Variants in ATXN2 observed in about 807,000 individuals in gnomAD.
The protein encoded by ATXN2 is ataxin-2.
Under a neutral mutation model 138.6 loss-of-function variants are expected in ATXN2, and 37 were observed. The observed-to-expected ratio is 0.27, with a 90% confidence interval of 0.21 to 0.35. The LOEUF (loss-of-function observed/expected upper bound fraction) is 0.35. Ranked by LOEUF, ATXN2 falls within the 10% of genes least tolerant of loss-of-function variation. ATXN2 has a pLI of 1.00. For missense variants in ATXN2, 1,216 were observed against 1,480.3 expected (o/e 0.82, Z 2.93); for synonymous variants, 549 against 543.7 (o/e 1.01, Z -0.13).
chr12:111,574,340 G>C (rs1317584618), intron 1 of ATXN2, among the ~76,000 whole-genome samples: 1 of 150,204 alleles, frequency 6.7e-6, no homozygotes. Flanking sequence ...AAAAGGTATG[G>C]AGACTTCTTA....
rs1371815160 is a variant in ATXN2, at chr12:111,599,104, G to A, written c.-70C>T. 2.5e-5 allele frequency: 32 copies of A among 1,295,854 alleles called. No homozygotes were observed. The highest frequency in any genetic ancestry group is 3.0e-5 in the Non-Finnish European group (31 of 1,023,126). 80.3% of individuals were successfully genotyped at this position (1,295,854 alleles called of 1,614,324 possible). A position where few individuals can be genotyped will look rare whatever the true frequency, so the allele number is the denominator to read the frequency against. The stretch of plus-strand genomic sequence containing the variant: ...CGGGAGCCGGGCGCGCCAAGGAGAC[G>A]CCGGAACGCGGCGGGGACGCGCGGG... On this transcript the variant is annotated 5_prime_UTR_variant, in exon 1 of 25. Transcript: ENST00000673436.
chr12:111,470,004 C>T, intron 20 of ATXN2, 104 bp downstream of exon 20: 1 of 1,311,524 alleles, frequency 7.6e-7, no homozygotes, highest in Non-Finnish European at 1.0e-6. Context: ...TCTTGACCCT[C>T]AATGTCATAA....
At chr12:111,574,308 CAAAAAAAAAAAAA>C (rs997437123) in intron 1 of ATXN2, among the ~76,000 whole-genome samples, 3 of 32,594 alleles carry the variant, frequency 9.2e-5, no homozygotes, top group African/African-American at 2.9e-4. Flanking sequence ...ACTCTGTCTC[CAAAAAAAAAAAAA>C]AAAAAAAAAA....
intron 18 of ATXN2, among the ~76,000 whole-genome samples, chr12:111,474,610 A>C (rs1297667121): frequency 6.9e-6 from 1 of 145,494 alleles, no homozygotes; most frequent in Non-Finnish European, 1.5e-5. Context: ...CATCTCAAAA[A>C]CAAAAAACAA....
At chr12:111,599,590 T>A, upstream of ATXN2, 6 of 1,102,928 alleles carry the variant, frequency 5.4e-6, no homozygotes, top group Non-Finnish European at 6.6e-6. Flanking sequence ...GTCGGAGGGG[T>A]CAGACGGAAG....
chr12:111,512,384 A>T (rs916931593), intron 11 of ATXN2: 2 of 151,764 alleles, frequency 1.3e-5, no homozygotes, highest in Non-Finnish European at 2.9e-5. Context: ...AGCACTAAGG[A>T]CTGATTGGCA....
chr12:111,490,425 G>C (rs562190639), intron 14 of ATXN2, among the ~76,000 whole-genome samples: 2 of 152,044 alleles, frequency 1.3e-5, no homozygotes, highest in Non-Finnish European at 2.9e-5. Context: ...TGGACTAAGC[G>C]CTGGGCCTAG....
intron 1 of ATXN2, among the ~76,000 whole-genome samples, chr12:111,569,726 C>T (rs576894335): frequency 6.6e-6 from 1 of 152,174 alleles, no homozygotes; most frequent in South Asian, 2.1e-4. Context: ...AAAACACCAC[C>T]ACCACCACCA....
chr12:111,571,695 C>T (rs1452576334), intron 1 of ATXN2, among the ~76,000 whole-genome samples: 3 of 152,086 alleles, frequency 2.0e-5, no homozygotes, highest in African/African-American at 2.4e-5. Flanking sequence ...TTTCACATGG[C>T]TTAAAGCTCA....
At position 111,598,159 on chromosome 12, in the gene ATXN2, C is replaced by G. The variant is rs1171180270; in HGVS notation, c.251+625G>C. 2 of 1,098,498 alleles carry G rather than the reference C, an allele frequency of 1.8e-6. No individual in the cohort carries two copies. The highest frequency in any genetic ancestry group is 2.2e-6 in the Non-Finnish European group (2 of 892,896). 68.0% of individuals were successfully genotyped at this position (1,098,498 alleles called of 1,614,324 possible). On this transcript the variant is annotated intron_variant, in intron 1 of 24. Transcript: ENST00000673436. The surrounding 1 kb of genome is among the most constrained non-coding windows in gnomAD (Gnocchi z 4.5). ...CCTCGGACACGAACGCAGAGGGGTG[C>G]GGGGGCCAAGGCCCACTTGTCTCCA...
At chr12:111,523,320 C>T (rs1736757261) in intron 6 of ATXN2, among the ~76,000 whole-genome samples, 1 of 152,128 alleles carries the variant, frequency 6.6e-6, no homozygotes, top group African/African-American at 2.4e-5. Context: ...CATATTGGAA[C>T]ACCATTCTTT....
chr12:111,559,369 G>A (rs1485536020), intron 1 of ATXN2, among the ~76,000 whole-genome samples: 1 of 151,704 alleles, frequency 6.6e-6, no homozygotes, highest in African/African-American at 2.4e-5. Context: ...AAAGTGCTGG[G>A]ATTACAGGCG....
intron 1 of ATXN2, among the ~76,000 whole-genome samples, chr12:111,560,402 T>C (rs80091843): frequency 0.017 from 2,518 of 152,258 alleles, 40 homozygotes; most frequent in Admixed American, 0.03. Flanking sequence ...TAAATTTTTA[T>C]ATCCAACGGG....
chr12:111,487,278 G>T (rs560371411), intron 15 of ATXN2, among the ~76,000 whole-genome samples: 1 of 151,760 alleles, frequency 6.6e-6, no homozygotes, highest in East Asian at 1.9e-4. Flanking sequence ...GTAAAGATGG[G>T]GTTTCACCAT....
chr12:111,490,522 A>G (rs1356392527), intron 14 of ATXN2, among the ~76,000 whole-genome samples: 1 of 152,082 alleles, frequency 6.6e-6, no homozygotes, highest in Admixed American at 6.6e-5. Flanking sequence ...ACCCCTAAGT[A>G]AAAAAAGGAG....
chr12:111,482,627 C>CA (rs1275478329), intron 18 of ATXN2, among the ~76,000 whole-genome samples: 2 of 151,954 alleles, frequency 1.3e-5, no homozygotes, highest in Admixed American at 6.6e-5. Flanking sequence ...AAAAAGTTCC[C>CA]ATTGCATTGT....
chr12:111,560,220 TTAAAAATAAATACAA>T (rs1415989203), intron 1 of ATXN2, among the ~76,000 whole-genome samples: 1 of 152,092 alleles, frequency 6.6e-6, no homozygotes, highest in African/African-American at 2.4e-5. Flanking sequence ...TTAAAAACAC[TTAAAAATAAATACAA>T]TAAAAATAAG....
intron 18 of ATXN2, among the ~76,000 whole-genome samples, chr12:111,482,483 G>A (rs1053471271): frequency 1.1e-4 from 17 of 151,972 alleles, no homozygotes; most frequent in African/African-American, 3.6e-4. Flanking sequence ...GTGAGCCACC[G>A]TGCCCAGACT....
At chr12:111,567,128 A>G in intron 1 of ATXN2, among the ~76,000 whole-genome samples, 1 of 152,118 alleles carries the variant, frequency 6.6e-6, no homozygotes, top group East Asian at 1.9e-4. Flanking sequence ...ATAAGCAAAG[A>G]AAGTGGTTTC....
Sources: gnomAD v4.1 joint callset for allele counts (sites outside exome capture counted in the v4.1 genomes callset) on GRCh38, gnomAD v4.1.1 for gene constraint, Gnocchi (gnomAD v3.1) non-coding constraint, MANE v1.5 for transcripts, NCBI Gene and HGNC (gene_info 2026-07-23, HGNC 2026-07-21) for gene names.